Variants in KIAA1328 observed in about 807,000 individuals in gnomAD.
The protein encoded by KIAA1328 is KIAA1328, also known as protein hinderin.
In KIAA1328, 52 loss-of-function variants were observed where a neutral mutation model predicts 68.1. The observed-to-expected ratio is 0.76, with a 90% CI of 0.61 to 0.96. KIAA1328 has a LOEUF of 0.96. Ranked by LOEUF, KIAA1328 falls within the 40% of genes least tolerant of loss-of-function variation. The probability of loss-of-function intolerance (pLI) is 0.00; values close to 1 mark genes in which losing one functional copy is unlikely to be tolerated. For synonymous variants in KIAA1328, 232 were observed against 239.4 expected, an observed-to-expected ratio of 0.97 and a Z score of 0.28; for missense variants, 641 against 677.6, an observed-to-expected ratio of 0.95 and a Z score of 0.60.
chr18:36,885,150 A>G (rs1165382897), intron 4 of KIAA1328, among the ~76,000 whole-genome samples: 1 of 152,124 alleles, frequency 6.6e-6, no homozygotes, highest in African/African-American at 2.4e-5. Flanking sequence ...TGTTTATTTT[A>G]TTAATAGGAT....
At chr18:37,153,207 A>G (rs1180641474) in intron 7 of KIAA1328, among the ~76,000 whole-genome samples, 1 of 152,144 alleles carries the variant, frequency 6.6e-6, no homozygotes, top group Non-Finnish European at 1.5e-5. Context: ...CCACGGAACC[A>G]GAATACCCAC....
At chr18:37,229,098 G>A (rs1198491288), downstream of KIAA1328, among the ~76,000 whole-genome samples, 1 of 152,150 alleles carries the variant, frequency 6.6e-6, no homozygotes, top group Non-Finnish European at 1.5e-5. Flanking sequence ...ATGCCTGTAT[G>A]TCTTTGTGGG....
At chr18:37,051,072 T>C (rs953296654) in intron 6 of KIAA1328, among the ~76,000 whole-genome samples, 1 of 152,192 alleles carries the variant, frequency 6.6e-6, no homozygotes. Context: ...AATCAAGGTC[T>C]TTTGACCCTA....
intron 6 of KIAA1328, among the ~76,000 whole-genome samples, chr18:37,022,657 A>G (rs771309870): frequency 6.6e-6 from 1 of 152,194 alleles, no homozygotes; most frequent in Non-Finnish European, 1.5e-5. Context: ...CATACATTGT[A>G]TTTTACATGG....
intron 9 of KIAA1328, among the ~76,000 whole-genome samples, chr18:37,217,149 G>T (rs1165993259): frequency 6.6e-6 from 1 of 151,586 alleles, no homozygotes; most frequent in African/African-American, 2.4e-5. Context: ...CTTTTAATTG[G>T]GGCATTTAGC....
chr18:37,054,998 A>G (rs566394145), intron 6 of KIAA1328, among the ~76,000 whole-genome samples: 48 of 152,154 alleles, frequency 3.2e-4, no homozygotes, highest in Admixed American at 1.6e-3. Context: ...TAAATTCCAT[A>G]ATTATTGACT....
chr18:37,182,512 C>T (rs2059717255), intron 9 of KIAA1328, among the ~76,000 whole-genome samples: 1 of 152,070 alleles, frequency 6.6e-6, no homozygotes. Context: ...AAGTACGTAG[C>T]ACAGGCCTGG....
At chr18:36,943,223 A>T (rs181097049) in intron 5 of KIAA1328, among the ~76,000 whole-genome samples, 1 of 152,342 alleles carries the variant, frequency 6.6e-6, no homozygotes, top group Admixed American at 6.5e-5. Context: ...ATGCATATTT[A>T]TTATGAAAGG....
chr18:37,161,233 A>G (rs1402354120), intron 8 of KIAA1328, among the ~76,000 whole-genome samples: 1 of 152,112 alleles, frequency 6.6e-6, no homozygotes, highest in Non-Finnish European at 1.5e-5. Context: ...CCTACTTTTC[A>G]TAATCTCTGT....
intron 6 of KIAA1328, among the ~76,000 whole-genome samples, chr18:37,012,206 T>C (rs567021496): frequency 6.6e-6 from 1 of 152,292 alleles, no homozygotes; most frequent in South Asian, 2.1e-4. Flanking sequence ...TGGAGCTGTG[T>C]TGGAATCAGA....
chr18:37,215,854 A>G (rs1197877827), intron 9 of KIAA1328, among the ~76,000 whole-genome samples: 4 of 152,110 alleles, frequency 2.6e-5, no homozygotes, highest in African/African-American at 7.2e-5. Flanking sequence ...CAGGGATTCA[A>G]CTTCTTCCTG....
At chr18:37,081,846 A>G (rs1179597288) in intron 7 of KIAA1328, among the ~76,000 whole-genome samples, 1 of 152,158 alleles carries the variant, frequency 6.6e-6, no homozygotes, top group Non-Finnish European at 1.5e-5. Flanking sequence ...ACTCTTCATT[A>G]TAACACGGTC....
At chr18:36,885,720 TTTC>T in intron 5 of KIAA1328, 48 bp downstream of exon 5, 1 of 1,270,942 alleles carries the variant, frequency 7.9e-7, no homozygotes, top group Non-Finnish European at 1.1e-6. Context: ...AGTTTGACTA[TTTC>T]TTTTTTTTTT....
At chr18:37,184,629 G>A (rs1006358863) in intron 9 of KIAA1328, among the ~76,000 whole-genome samples, 1 of 152,092 alleles carries the variant, frequency 6.6e-6, no homozygotes, top group African/African-American at 2.4e-5. Context: ...TCCACAGCTC[G>A]CTAGCAGCAA....
At chr18:37,208,942 T>G (rs1008018664) in intron 9 of KIAA1328, among the ~76,000 whole-genome samples, 1 of 152,122 alleles carries the variant, frequency 6.6e-6, no homozygotes, top group Non-Finnish European at 1.5e-5. Context: ...CTTCTGGGAA[T>G]TGGCTGAAGG....
intron 7 of KIAA1328, among the ~76,000 whole-genome samples, chr18:37,088,454 A>G (rs2057169744): frequency 6.6e-6 from 1 of 152,030 alleles, no homozygotes; most frequent in South Asian, 2.1e-4. Context: ...TAGAATGAGC[A>G]CTTTTCTATG....
chr18:37,127,032 T>C lies in KIAA1328; in HGVS notation c.1233-33168T>C, dbSNP rs537887820. On this transcript the variant is annotated intron_variant, in intron 7 of 9. Coordinates refer to ENST00000280020, the MANE Select transcript of KIAA1328 (RefSeq NM_020776.3). The stretch of plus-strand genomic sequence containing the variant: ...ACTAAGACTGGAAACAAGGCAAAGA[T>C]GTTCACTCTATTGACTTCTATTCGG... Among the ~76,000 whole-genome samples the C allele has an allele frequency of 2.0e-5, 3 of 152,294 alleles. No homozygotes were observed. In the South Asian group the frequency reaches 6.2e-4, roughly 32 times the overall value.
At chr18:37,036,975 T>C (rs2055051291) in intron 6 of KIAA1328, among the ~76,000 whole-genome samples, 1 of 152,210 alleles carries the variant, frequency 6.6e-6, no homozygotes, top group Non-Finnish European at 1.5e-5. Flanking sequence ...AAACCATATA[T>C]TAAAATTTTC....
chr18:37,188,573 G>A (rs2059845963), intron 9 of KIAA1328, among the ~76,000 whole-genome samples: 1 of 152,178 alleles, frequency 6.6e-6, no homozygotes, highest in African/African-American at 2.4e-5. Flanking sequence ...TCCTAGAGGG[G>A]CCTCCTCAGC....
Sources: allele counts gnomAD v4.1 joint callset (sites outside exome capture counted in the v4.1 genomes callset), GRCh38; gene constraint gnomAD v4.1.1; transcripts MANE v1.5; gene names NCBI Gene and HGNC (gene_info 2026-07-23, HGNC 2026-07-21).